Variants in CAPN5 observed in about 807,000 individuals in gnomAD.
The protein encoded by CAPN5 is calpain-5.
In CAPN5, 54 loss-of-function variants were observed where a neutral mutation model predicts 73.0. That is an observed-to-expected ratio of 0.74 (90% CI 0.59 to 0.93). The LOEUF (loss-of-function observed/expected upper bound fraction) is 0.93, where lower values mean the gene tolerates loss of function less well. Among genes scored for constraint, CAPN5 ranks in the 40% least tolerant of loss-of-function variants. The probability of loss-of-function intolerance (pLI) is 0.00; values close to 1 mark genes in which losing one functional copy is unlikely to be tolerated. For synonymous variants in CAPN5, 335 were observed against 356.9 expected, an observed-to-expected ratio of 0.94 and a Z score of 0.69; for missense variants, 785 against 882.9, an observed-to-expected ratio of 0.89 and a Z score of 1.41.
At chr11:77,117,603 T>C (rs139881183) in intron 7 of CAPN5, among the ~76,000 whole-genome samples, 1 of 152,192 alleles carries the variant, frequency 6.6e-6, no homozygotes, top group Non-Finnish European at 1.5e-5. Flanking sequence ...TTCTCTTACA[T>C]GTTCACGGTT....
At position 77,085,039 on chromosome 11, in the gene CAPN5, G is replaced by T; in HGVS notation, c.153G>T (p.Trp51Cys). 1 of 1,613,356 alleles carries T rather than the reference G, an allele frequency of 6.2e-7. No individual in the cohort carries two copies. The highest frequency in any genetic ancestry group is 8.5e-7 in the Non-Finnish European group (1 of 1,180,028). Residue 51 changes from tryptophan (W) to cysteine (C), a missense_variant, in exon 2 of 13, where the codon TGG (tryptophan) becomes TGT (cysteine). Trp to Cys is a radical substitution (Grantham distance 215). Transcript: ENST00000648180. ...YKGTPGPAVR[W>C]KRPKGICEDP... ...GCACGCCGGGGCCCGCCGTCAGGTG[G>T]AAGCGACCCAAGGTCAGTGTCTGGT...
intron 3 of CAPN5, among the ~76,000 whole-genome samples, chr11:77,096,278 C>T (rs1432946651): frequency 3.3e-5 from 5 of 152,218 alleles, no homozygotes; most frequent in African/African-American, 1.2e-4. Context: ...CAGCAAGCCA[C>T]CCTTACCCCT....
chr11:77,107,111 G>A (rs1354658792), intron 3 of CAPN5, among the ~76,000 whole-genome samples: 5 of 152,198 alleles, frequency 3.3e-5, no homozygotes, highest in African/African-American at 1.2e-4. Context: ...GAGAGCAGCA[G>A]GGCTCTGCTC....
chr11:77,070,294 C>A (rs1555032815), intron 1 of CAPN5, among the ~76,000 whole-genome samples: 1 of 152,232 alleles, frequency 6.6e-6, no homozygotes, highest in Non-Finnish European at 1.5e-5. Context: ...CACTGGTCCC[C>A]AGCTGCCCTT....
intron 3 of CAPN5, among the ~76,000 whole-genome samples, chr11:77,112,062 C>T (rs1340506648): frequency 2.0e-5 from 3 of 152,120 alleles, no homozygotes; most frequent in Non-Finnish European, 4.4e-5. Context: ...GTAGATGTAG[C>T]TGCAGACACT....
Position 77,112,691 on chromosome 11 carries a change from G to A in CAPN5, c.400G>A (p.Val134Met), listed in dbSNP as rs201701148. The change falls in exon 4 of 13, where the codon GTG becomes ATG. Residue 134 changes from valine to methionine, a missense_variant. Physicochemically the swap from Val to Met is conservative, Grantham distance 21 (BLOSUM62 1). Transcript: ENST00000648180. ...HFWRFGEWVD[V>M]VIDDRLPTVN... is the part of the protein sequence containing the mutation. ...CTGGCGCTTCGGGGAATGGGTGGAC[G>A]TGGTCATCGATGACCGGCTGCCCAC... 36 of 1,614,132 alleles carry A rather than the reference G, an allele frequency of 2.2e-5. No homozygotes were observed. The Middle Eastern group carries it at 1.6e-3, about 74-fold the overall frequency.
chr11:77,117,065 C>G (rs781800594), intron 7 of CAPN5, among the ~76,000 whole-genome samples: 9 of 151,962 alleles, frequency 5.9e-5, no homozygotes, highest in Non-Finnish European at 1.3e-4. Context: ...TAGTGGGACC[C>G]CATCTCTACA....
chr11:77,114,007 T>C (rs1259932718), intron 4 of CAPN5, among the ~76,000 whole-genome samples: 3 of 152,086 alleles, frequency 2.0e-5, no homozygotes, highest in Non-Finnish European at 4.4e-5. Flanking sequence ...TTGCTTTTTT[T>C]TTTTTGGACA....
intron 1 of CAPN5, among the ~76,000 whole-genome samples, chr11:77,070,977 C>T (rs797043993): frequency 3.3e-5 from 5 of 152,346 alleles, no homozygotes; most frequent in African/African-American, 1.2e-4. Context: ...GTCTCCCTGT[C>T]TCAAAATCCT....
At chr11:77,109,532 T>G (rs1282395358) in intron 3 of CAPN5, among the ~76,000 whole-genome samples, 3 of 152,246 alleles carry the variant, frequency 2.0e-5, no homozygotes, top group African/African-American at 4.8e-5. Flanking sequence ...TAGCCCATCT[T>G]TGGCCATCAG....
At chr11:77,119,175 C>T in intron 9 of CAPN5, 23 bp downstream of exon 9, 1 of 1,595,836 alleles carries the variant, frequency 6.3e-7, no homozygotes, top group Non-Finnish European at 8.5e-7. Context: ...GGGTCCCCTG[C>T]CGTGGGTGGG....
intron 1 of CAPN5, among the ~76,000 whole-genome samples, chr11:77,071,255 G>T: frequency 6.6e-6 from 1 of 152,224 alleles, no homozygotes; most frequent in East Asian, 1.9e-4. Context: ...CGCTGCTGTA[G>T]CCCTGGCCCC....
intron 3 of CAPN5, among the ~76,000 whole-genome samples, chr11:77,094,162 G>C (rs1950184728): frequency 6.6e-6 from 1 of 152,246 alleles, no homozygotes; most frequent in African/African-American, 2.4e-5. Context: ...GGGCTCAGGA[G>C]ACCCCTGACA....
intron 3 of CAPN5, among the ~76,000 whole-genome samples, chr11:77,097,028 C>T (rs887527684): frequency 2.0e-4 from 30 of 152,248 alleles, no homozygotes; most frequent in African/African-American, 7.0e-4. Context: ...CAAGACCACC[C>T]TGGCTAACAT....
At chr11:77,087,432 T>A (rs1950100002) in intron 2 of CAPN5, among the ~76,000 whole-genome samples, 1 of 152,186 alleles carries the variant, frequency 6.6e-6, no homozygotes, top group Non-Finnish European at 1.5e-5. Flanking sequence ...TGCATGCCCG[T>A]CCATCCCCTC....
intron 3 of CAPN5, among the ~76,000 whole-genome samples, chr11:77,110,506 G>A (rs535113056): frequency 1.3e-5 from 2 of 152,174 alleles, no homozygotes; most frequent in Non-Finnish European, 2.9e-5. Context: ...GCCCTTGCTG[G>A]GTTCCAGACA....
At chr11:77,117,167 T>C (rs1475020305) in intron 7 of CAPN5, among the ~76,000 whole-genome samples, 1 of 151,940 alleles carries the variant, frequency 6.6e-6, no homozygotes, top group African/African-American at 2.4e-5. Flanking sequence ...GCCCAGGAGG[T>C]TGAGTTTATA....
chr11:77,105,820 A>G (rs527538937), intron 3 of CAPN5, among the ~76,000 whole-genome samples: 10 of 152,106 alleles, frequency 6.6e-5, no homozygotes, highest in Admixed American at 1.3e-4. Flanking sequence ...ATCCTTCCTC[A>G]CAGCTCTGTT....
chr11:77,122,662 G>A lies in CAPN5; in HGVS notation c.1690G>A (p.Val564Met), dbSNP rs1555043107. ...GGGCACCTCCACACCAGAGTACAAT[G>A]TGAAAGGCATCTTCTACCGCAAGAA... is the stretch of plus-strand genomic sequence containing the variant. ...QKGTSTPEYN[V>M]KGIFYRKKLS... Residue 564 changes from valine to methionine, a missense_variant, in exon 12 of 13, where the codon GTG becomes ATG. Coordinates refer to ENST00000648180, the MANE Select transcript of CAPN5 (RefSeq NM_004055.5). The A allele has an allele frequency of 6.2e-7, 1 of 1,613,830 alleles. No homozygotes were observed. The highest frequency in any genetic ancestry group is 1.7e-5 in the Admixed American group (1 of 60,004).
Sources: gnomAD v4.1 joint callset for allele counts (sites outside exome capture counted in the v4.1 genomes callset) on GRCh38, gnomAD v4.1.1 for gene constraint, MANE v1.5 for transcripts, NCBI Gene and HGNC (gene_info 2026-07-23, HGNC 2026-07-21) for gene names.